The following MYH15 variants were observed in gnomAD, a reference collection of about 807,000 sequenced individuals.
MYH15 encodes the protein myosin heavy chain 15, also known as myosin-15.
MYH15 carries 227 observed loss-of-function variants against 240.5 expected under a neutral mutation model. That is an observed-to-expected ratio of 0.94 (90% CI 0.85 to 1.05). MYH15 has a LOEUF of 1.05. Among genes scored for constraint, MYH15 ranks in the 50% least tolerant of loss-of-function variants. The pLI is 0.00. For missense variants in MYH15, 2,217 were observed against 2,247.5 expected, an observed-to-expected ratio of 0.99 and a Z score of 0.27; for synonymous variants, 785 against 796.7, an observed-to-expected ratio of 0.99 and a Z score of 0.25.
chr3:108,440,012 G>T, intron 23 of MYH15, 99 bp from the exon 24 acceptor site: 2 of 1,050,664 alleles, frequency 1.9e-6, no homozygotes, highest in Non-Finnish European at 2.6e-6. Flanking sequence ...CTACGCATGA[G>T]GTATCCAATG....
chr3:108,439,706 T>C (rs749693704), intron 24 of MYH15, 31 bp downstream of exon 24: 35 of 1,510,150 alleles, frequency 2.3e-5, no homozygotes, highest in South Asian at 4.1e-5. Flanking sequence ...TGTAGACAGA[T>C]AGATAACTAA....
Position 108,439,739 on chromosome 3 carries a change from C to T in MYH15, c.3073G>A (p.Glu1025Lys), listed in dbSNP as rs376633073. 11 of 1,598,870 alleles carry T rather than the reference C, an allele frequency of 6.9e-6. No homozygotes were observed. The African/African-American group carries it at 1.3e-4, about 20-fold the overall frequency. The stretch of plus-strand genomic sequence containing the variant: ...TAACCAGATACACCGTTACTGACCT[C>T]ATCAACTTGCTGTTCCAGCTTCAGA... ...ANLKLEQQVD[E>K]LEGALEQERK... is the part of the protein sequence containing the mutation. Residue 1025 changes from glutamate to lysine, a missense_variant and splice_region_variant, in exon 24 of 41, where the codon GAG (glutamate) becomes AAG (lysine). Coordinates refer to ENST00000693548, the MANE Select transcript of MYH15 (RefSeq NM_014981.3).
chr3:108,547,442 T>A, the MYH15 span, among the ~76,000 whole-genome samples: 1 of 152,172 alleles, frequency 6.6e-6, no homozygotes, highest in Non-Finnish European at 1.5e-5. Context: ...GGTAAAGTGA[T>A]GATCCAAATG....
At chr3:108,435,267 C>T (rs1209603399) in intron 25 of MYH15, among the ~76,000 whole-genome samples, 1 of 152,100 alleles carries the variant, frequency 6.6e-6, no homozygotes, top group Non-Finnish European at 1.5e-5. Context: ...TGTCAATTTC[C>T]TAAGAATTAT....
rs769898446 is a variant in MYH15 at position 108,391,934 on chromosome 3, G to A, written c.5260-4C>T. The A allele has an allele frequency of 7.4e-6, 12 of 1,612,242 alleles. No homozygotes were observed. The African/African-American group carries it at 1.1e-4, about 14-fold the overall frequency. ...GTTCTTCTGACAAGTTTGCTGCCTA[G>A]GGGGTTAAAAAAAGGGACTGAGCTA... On this transcript the variant is annotated splice_region_variant and splice_polypyrimidine_tract_variant and intron_variant, in intron 36 of 40. Transcript: ENST00000693548.
intron 25 of MYH15, among the ~76,000 whole-genome samples, chr3:108,433,838 T>C (rs1268831305): frequency 1.3e-5 from 2 of 152,190 alleles, no homozygotes; most frequent in East Asian, 3.9e-4. Context: ...CTTGGGTATG[T>C]CTTTATCAGC....
chr3:108,475,313 C>A (rs2083211280), intron 12 of MYH15, among the ~76,000 whole-genome samples: 1 of 152,094 alleles, frequency 6.6e-6, no homozygotes, highest in Non-Finnish European at 1.5e-5. Flanking sequence ...ATAAATTATG[C>A]ATTTCTGCCC....
chr3:108,452,853 C>T (rs1472909791), intron 21 of MYH15, among the ~76,000 whole-genome samples: 1 of 151,962 alleles, frequency 6.6e-6, no homozygotes, highest in East Asian at 1.9e-4. Flanking sequence ...TGCCATGGCC[C>T]ATGCCTGTAA....
Position 108,470,080 on chromosome 3 carries a change from C to G in MYH15, c.1516G>C (p.Gly506Arg). ...ESIEWVSIGF[G>R]LDLQACIDLI... is the part of the protein sequence containing the mutation. Reference sequence around the variant, plus strand: ...TCTATGCAAGCTTGCAAATCCAGACCAAAGCCAATAGACACCCATTCAATG... The same window carrying G: ...TCTATGCAAGCTTGCAAATCCAGACGAAAGCCAATAGACACCCATTCAATG... The change falls in exon 14 of 41, where the codon GGT becomes CGT. Residue 506 changes from glycine (G) to arginine (R), a missense_variant. Gly to Arg is a moderately radical substitution (Grantham distance 125, BLOSUM62 -2). Coordinates refer to ENST00000693548, the MANE Select transcript of MYH15 (RefSeq NM_014981.3). 1 of 1,609,702 alleles carries G rather than the reference C, an allele frequency of 6.2e-7. No individual in the cohort carries two copies. Among genetic ancestry groups the G allele is most frequent in the African/African-American group, 1.3e-5 (1 of 74,680 alleles).
At chr3:108,461,748 T>A (rs574085273) in intron 16 of MYH15, 6 of 152,246 alleles carry the variant, frequency 3.9e-5, no homozygotes, top group Admixed American at 3.9e-4. Context: ...ATAGCTTCCA[T>A]CTCTTCTTGA....
At chr3:108,411,856 G>C (rs1486630418) in intron 30 of MYH15, among the ~76,000 whole-genome samples, 1 of 152,132 alleles carries the variant, frequency 6.6e-6, no homozygotes, top group African/African-American at 2.4e-5. Context: ...TCCCCTTTTG[G>C]TGGAATCCTG....
rs369909485 is a variant in MYH15, at chr3:108,420,130, GA to G, written c.3829+957del. On this transcript the variant is annotated intron_variant, in intron 28 of 40. Coordinates refer to ENST00000693548, the MANE Select transcript of MYH15 (RefSeq NM_014981.3). ...TACAATGTAATAGATTGGAAAAACA[GA>G]AAAAAAAAATCCATAGTGGTTGATA... Among the ~76,000 whole-genome samples, 1,209 of 149,072 alleles carry G rather than the reference GA, an allele frequency of 8.1e-3. 19 individuals are homozygous for G. The highest frequency in any genetic ancestry group is 0.027 in the African/African-American group (1,119 of 40,764).
intron 25 of MYH15, among the ~76,000 whole-genome samples, chr3:108,431,885 A>G (rs2082782096): frequency 6.6e-6 from 1 of 152,196 alleles, no homozygotes; most frequent in Admixed American, 6.5e-5. Flanking sequence ...TGGGAACCAG[A>G]GCAAAGGTGA....
At chr3:108,530,424 G>A (rs1454608648), upstream of MYH15, among the ~76,000 whole-genome samples, 1 of 152,150 alleles carries the variant, frequency 6.6e-6, no homozygotes, top group Non-Finnish European at 1.5e-5. Context: ...TGATTTCCAG[G>A]GAGTTGTGAA....
chr3:108,385,888 C>T (rs1237330571), intron 38 of MYH15, among the ~76,000 whole-genome samples: 1 of 152,042 alleles, frequency 6.6e-6, no homozygotes, highest in African/African-American at 2.4e-5. Context: ...AAGCTATTCT[C>T]ATCATCTGGA....
chr3:108,433,156 C>T (rs55749606), intron 25 of MYH15, among the ~76,000 whole-genome samples: 3,777 of 152,276 alleles, frequency 0.025, 106 homozygotes, highest in Admixed American at 0.079. Flanking sequence ...CCTCTTGCAT[C>T]GGTGTGCCCT....
chr3:108,480,472 G>A (rs1576260364), intron 11 of MYH15, among the ~76,000 whole-genome samples: 1 of 152,160 alleles, frequency 6.6e-6, no homozygotes, highest in East Asian at 1.9e-4. Context: ...ATGGGGAAAT[G>A]TTAAAGGAGC....
At chr3:108,385,700 A>G (rs1323707246) in intron 38 of MYH15, among the ~76,000 whole-genome samples, 2 of 152,208 alleles carry the variant, frequency 1.3e-5, no homozygotes, top group African/African-American at 4.8e-5. Context: ...ACTACTGCTT[A>G]AAATTGTTTT....
In MYH15 at chr3:108,453,444, G is replaced by A. The variant is rs531820508; in HGVS notation, c.2399+562C>T. 3.3e-5 allele frequency among the ~76,000 whole-genome samples: 5 copies of A among 152,272 alleles called. No homozygotes were observed. In the South Asian group the frequency reaches 1.0e-3, roughly 32 times the overall value. On this transcript the variant is annotated intron_variant, in intron 21 of 40. Transcript: ENST00000693548. Reference sequence around the variant, plus strand: ...TCCCTTGCTCACAGTCCCTTTGTTTGGAGATTTTGCTAGCTTGCTTTTCAT... The same window carrying A: ...TCCCTTGCTCACAGTCCCTTTGTTTAGAGATTTTGCTAGCTTGCTTTTCAT...
Sources: allele counts gnomAD v4.1 joint callset (sites outside exome capture counted in the v4.1 genomes callset), GRCh38; gene constraint gnomAD v4.1.1; transcripts MANE v1.5; gene names NCBI Gene and HGNC (gene_info 2026-07-23, HGNC 2026-07-21).